EFNA5: variants seen among roughly 807,000 people sequenced by gnomAD.
EFNA5 encodes the protein ephrin-A5.
In EFNA5, 5 loss-of-function variants were observed where a neutral mutation model predicts 22.9. The ratio of observed to expected loss-of-function variants is 0.22; its 90% CI spans 0.11 to 0.46. The LOEUF is 0.46. Among genes scored for constraint, EFNA5 ranks in the 20% least tolerant of loss-of-function variants. EFNA5 has a pLI of 0.99. For missense variants in EFNA5, 237 were observed against 293.3 expected (o/e 0.81, Z 1.40); for synonymous variants, 113 against 112.2 (o/e 1.01, Z -0.04).
At chr5:107,506,856 GA>G (rs1747263519) in intron 1 of EFNA5, among the ~76,000 whole-genome samples, 1 of 152,130 alleles carries the variant, frequency 6.6e-6, no homozygotes, top group South Asian at 2.1e-4. Flanking sequence ...ACCACCTGCT[GA>G]AAAAGGCTTG....
rs3797519 is a variant in EFNA5 at position 107,403,440 on chromosome 5, T to C, written c.419-15669A>G. On this transcript the variant is annotated intron_variant, in intron 2 of 4. Coordinates refer to ENST00000333274, the MANE Select transcript of EFNA5 (RefSeq NM_001962.3). ...GCATCTATGAGAGATTGAAAGAATTTAGATGTCTCTTCTCTTTATCAGAAA... is the reference window on the plus strand; with the variant it reads ...GCATCTATGAGAGATTGAAAGAATTCAGATGTCTCTTCTCTTTATCAGAAA... 4.0e-3 allele frequency among the ~76,000 whole-genome samples: 605 copies of C among 152,356 alleles called. 10 individuals are homozygous for C. Among genetic ancestry groups the C allele is most frequent in the East Asian group, 0.012 (64 of 5,188 alleles).
At chr5:107,410,457 A>G (rs1748338276) in intron 2 of EFNA5, among the ~76,000 whole-genome samples, 1 of 152,150 alleles carries the variant, frequency 6.6e-6, no homozygotes, top group South Asian at 2.1e-4. Flanking sequence ...GATTTTTATG[A>G]CCAGGAGAAC....
At chr5:107,404,726 A>G (rs1042909368) in intron 2 of EFNA5, among the ~76,000 whole-genome samples, 1 of 152,192 alleles carries the variant, frequency 6.6e-6, no homozygotes, top group Non-Finnish European at 1.5e-5. Flanking sequence ...AGTATAAATC[A>G]TACTTTTCTT....
intron 2 of EFNA5, among the ~76,000 whole-genome samples, chr5:107,421,718 A>G (rs927456818): frequency 2.6e-5 from 4 of 152,056 alleles, no homozygotes; most frequent in Non-Finnish European, 5.9e-5. Flanking sequence ...TTTGTTTCTA[A>G]TCTGTTTTTA....
intron 1 of EFNA5, among the ~76,000 whole-genome samples, chr5:107,538,458 G>T (rs1023973842): frequency 1.1e-4 from 16 of 152,182 alleles, no homozygotes; most frequent in African/African-American, 3.9e-4. Flanking sequence ...TGCCCAAATT[G>T]AATATTCCAT....
At chr5:107,423,400 C>A (rs1415101507) in intron 2 of EFNA5, among the ~76,000 whole-genome samples, 6 of 125,316 alleles carry the variant, frequency 4.8e-5, no homozygotes, top group African/African-American at 1.2e-4. Context: ...TTTTAAGTTT[C>A]TAAAAGGAGT....
chr5:107,540,724 T>A (rs163891), intron 1 of EFNA5, among the ~76,000 whole-genome samples: 26,533 of 152,280 alleles, frequency 0.17, 2,630 homozygotes, highest in Middle Eastern at 0.37. Context: ...ATCTTAAAAA[T>A]GTTCACAGAT....
chr5:107,552,779 C>T (rs1241114337), intron 1 of EFNA5, among the ~76,000 whole-genome samples: 1 of 152,166 alleles, frequency 6.6e-6, no homozygotes, highest in Non-Finnish European at 1.5e-5. Flanking sequence ...GTCATGTGCA[C>T]CAGATATTGC....
At chr5:107,485,835 T>C (rs1746602265) in intron 1 of EFNA5, among the ~76,000 whole-genome samples, 3 of 152,240 alleles carry the variant, frequency 2.0e-5, no homozygotes, top group Non-Finnish European at 4.4e-5. Context: ...CTACTGCGTA[T>C]GAATTCATTT....
At chr5:107,520,484 T>A (rs1747571355) in intron 1 of EFNA5, among the ~76,000 whole-genome samples, 1 of 152,262 alleles carries the variant, frequency 6.6e-6, no homozygotes, top group South Asian at 2.1e-4. Context: ...TTGGCTATGC[T>A]GTTCTCAAGA....
At chr5:107,638,812 C>T (rs1750439964) in intron 1 of EFNA5, among the ~76,000 whole-genome samples, 1 of 152,098 alleles carries the variant, frequency 6.6e-6, no homozygotes, top group East Asian at 1.9e-4. Context: ...TAAGCGTTCT[C>T]ACTATACACA....
chr5:107,624,157 C>T (rs1412769700), intron 1 of EFNA5, among the ~76,000 whole-genome samples: 1 of 151,974 alleles, frequency 6.6e-6, no homozygotes, highest in Admixed American at 6.6e-5. Flanking sequence ...AAAATGAGGA[C>T]ACTAACGATC....
intron 2 of EFNA5, among the ~76,000 whole-genome samples, chr5:107,415,142 G>A (rs1748470519): frequency 6.6e-6 from 1 of 152,094 alleles, no homozygotes; most frequent in African/African-American, 2.4e-5. Context: ...CAATAACAGT[G>A]CCTAACACGT....
chr5:107,570,050 C>A (rs1254679770), intron 1 of EFNA5, among the ~76,000 whole-genome samples: 4 of 152,096 alleles, frequency 2.6e-5, no homozygotes, highest in African/African-American at 9.7e-5. Flanking sequence ...ATGACCAAGA[C>A]CTACTTAAAA....
chr5:107,601,359 T>C (rs1354484191), intron 1 of EFNA5, among the ~76,000 whole-genome samples: 1 of 152,142 alleles, frequency 6.6e-6, no homozygotes, highest in Non-Finnish European at 1.5e-5. Context: ...AAGCAGAGCG[T>C]TAGGGAAGCA....
intron 1 of EFNA5, among the ~76,000 whole-genome samples, chr5:107,510,140 C>T (rs1023258273): frequency 2.0e-5 from 3 of 152,208 alleles, no homozygotes; most frequent in African/African-American, 7.2e-5. Flanking sequence ...AAGAAGCCAA[C>T]CAAAATCCAC....
Position 107,438,421 on chromosome 5 carries a change from C to G in EFNA5, c.126-10912G>C, listed in dbSNP as rs575561499. Among the ~76,000 whole-genome samples, 174 of 152,320 alleles carry G rather than the reference C, an allele frequency of 1.1e-3. 1 individual carries two copies. The highest frequency in any genetic ancestry group is 3.3e-3 in the African/African-American group (138 of 41,578). On this transcript the variant is annotated intron_variant, in intron 1 of 4. Transcript: ENST00000333274. ...GAAACATCCAAGACCCCTTTTCAGC[C>G]CCTGCCAACCACTGTTTTGCTCTCA...
At chr5:107,450,241 C>T (rs137897503) in intron 1 of EFNA5, among the ~76,000 whole-genome samples, 53 of 152,148 alleles carry the variant, frequency 3.5e-4, no homozygotes, top group African/African-American at 1.2e-3. Context: ...TTTTTAAGCA[C>T]CCTGGGACCT....
chr5:107,440,124 GC>G (rs1749217635), intron 1 of EFNA5, among the ~76,000 whole-genome samples: 1 of 152,112 alleles, frequency 6.6e-6, no homozygotes, highest in African/African-American at 2.4e-5. Context: ...TACTTTTATA[GC>G]CTGGACCACA....
Sources: gnomAD v4.1 joint callset for allele counts (sites outside exome capture counted in the v4.1 genomes callset) on GRCh38, gnomAD v4.1.1 for gene constraint, MANE v1.5 for transcripts, NCBI Gene and HGNC (gene_info 2026-07-23, HGNC 2026-07-21) for gene names.